Variants in TNNT3 observed in about 807,000 individuals in gnomAD.
The protein encoded by TNNT3 is troponin T3, fast skeletal type.
TNNT3 carries 36 observed loss-of-function variants against 54.2 expected under a neutral mutation model. The ratio of observed to expected loss-of-function variants is 0.66; its 90% CI spans 0.51 to 0.88. The LOEUF (loss-of-function observed/expected upper bound fraction) is 0.88. Among genes scored for constraint, TNNT3 ranks in the 40% least tolerant of loss-of-function variants. The pLI is 0.00. For synonymous variants in TNNT3, 120 were observed against 109.7 expected (o/e 1.09, Z -0.59); for missense variants, 291 against 331.6 (o/e 0.88, Z 0.95).
Position 1,937,021 on chromosome 11 carries a change from C to T in TNNT3, c.722+18C>T, listed in dbSNP as rs1001830487. 5.7e-6 allele frequency: 9 copies of T among 1,584,662 alleles called. No homozygotes were observed. Among genetic ancestry groups the T allele is most frequent in the Non-Finnish European group, 7.7e-6 (9 of 1,167,474 alleles). ...CAGAAGCAGTGAGTAGCCCTGCCGT[C>T]CTCGCTCCGCACTGGGCACAGGGGC... On this transcript the variant is annotated intron_variant, in intron 15 of 15. Coordinates refer to ENST00000278317, the MANE Select transcript of TNNT3 (RefSeq NM_006757.4).
chr11:1,938,221 C>A, intron 15 of TNNT3: 1 of 601,498 alleles, frequency 1.7e-6, no homozygotes, highest in South Asian at 1.9e-5. Context: ...CCCGGGCTCA[C>A]GTGCCAGCCC....
intron 14 of TNNT3, chr11:1,936,295 G>A (rs781472876): frequency 9.9e-6 from 16 of 1,608,256 alleles, no homozygotes; most frequent in South Asian, 2.2e-5. Context: ...CCGTGGGTGT[G>A]CGTTGCACGG....
chr11:1,936,389 C>T (rs1855051343), intron 14 of TNNT3: 3 of 1,003,616 alleles, frequency 3.0e-6, no homozygotes, highest in Non-Finnish European at 4.5e-6. Flanking sequence ...CCTGCCCCCG[C>T]TCTCCCCTCG....
intron 14 of TNNT3, 135 bp from the exon 15 acceptor site, chr11:1,936,828 C>A (rs769359001): frequency 1.2e-6 from 1 of 863,464 alleles, no homozygotes; most frequent in East Asian, 2.6e-5. Context: ...GTAAGGGAGC[C>A]GAGGAGCCCT....
chr11:1,922,708 A>G, intron 1 of TNNT3, 149 bp from the exon 2 acceptor site: 2 of 730,140 alleles, frequency 2.7e-6, no homozygotes, highest in East Asian at 2.7e-5. Flanking sequence ...AAGGAGGTGG[A>G]CTCACCCAAG....
At chr11:1,927,747 C>A (rs1436136240) in intron 6 of TNNT3, 1 of 152,380 alleles carries the variant, frequency 6.6e-6, no homozygotes, top group Admixed American at 6.5e-5. Flanking sequence ...AGCCTCCCAC[C>A]CGACCTCGCC....
intron 6 of TNNT3, among the ~76,000 whole-genome samples, chr11:1,928,304 C>G (rs1372653422): frequency 6.6e-6 from 1 of 152,106 alleles, no homozygotes; most frequent in African/African-American, 2.4e-5. Flanking sequence ...GCCAGGCCAG[C>G]CAGGTCCACC....
At position 1,926,382 on chromosome 11, in the gene TNNT3, G is replaced by A. The variant is rs559529449; in HGVS notation, c.68-313G>A. 6.7e-5 allele frequency: 104 copies of A among 1,553,806 alleles called. 1 individual carries two copies. The South Asian group carries it at 1.1e-3, about 16-fold the overall frequency. The stretch of plus-strand genomic sequence containing the variant: ...CCCACCCTCGGCCTCGAGTGGCGAC[G>A]GGCTTTTCCATTAACCTCGGACGCT... On this transcript the variant is annotated intron_variant, in intron 5 of 15. Transcript: ENST00000278317.
At position 1,934,145 on chromosome 11, in the gene TNNT3, G is replaced by A. The variant is rs189372230; in HGVS notation, c.366+137G>A. 1.4e-4 allele frequency: 167 copies of A among 1,160,090 alleles called. No individual in the cohort carries two copies. The East Asian group carries it at 3.4e-3, about 24-fold the overall frequency. The allele number at this position is 1,160,090 out of a possible 1,614,324, so 71.9% of individuals were successfully genotyped here. On this transcript the variant is annotated intron_variant, in intron 11 of 15. Coordinates refer to ENST00000278317, the MANE Select transcript of TNNT3 (RefSeq NM_006757.4). ...GATCAGAACCACTGGCTAAGGCCCC[G>A]GCGCCCTGCAGAACCCCTTGCCAGA...
intron 4 of TNNT3, among the ~76,000 whole-genome samples, chr11:1,924,223 C>T (rs533925027): frequency 6.6e-6 from 1 of 152,194 alleles, no homozygotes; most frequent in East Asian, 1.9e-4. Flanking sequence ...CATGCCACCC[C>T]CCAACCCTGT....
At chr11:1,937,644 G>T (rs767580642) in intron 15 of TNNT3, among the ~76,000 whole-genome samples, 1 of 152,186 alleles carries the variant, frequency 6.6e-6, no homozygotes, top group Non-Finnish European at 1.5e-5. Context: ...CCCAAGGATC[G>T]CAGTGTTTGG....
In TNNT3 at chr11:1,934,092, C is replaced by T. The variant is rs1287921219; in HGVS notation, c.366+84C>T. ...TGCAGGGGGCTGAGGCCTTCCTTCT[C>T]CCGGGGTTCCCATTGTCATTGGCCA... On this transcript the variant is annotated intron_variant, in intron 11 of 15. Coordinates refer to ENST00000278317, the MANE Select transcript of TNNT3 (RefSeq NM_006757.4). 5 of 1,426,542 alleles carry T rather than the reference C, an allele frequency of 3.5e-6. No individual in the cohort carries two copies. In the African/African-American group the frequency reaches 5.7e-5, roughly 16 times the overall value. 88.4% of individuals were successfully genotyped at this position (1,426,542 alleles called of 1,614,324 possible).
intron 15 of TNNT3, among the ~76,000 whole-genome samples, chr11:1,937,541 G>A (rs568602233): frequency 6.6e-6 from 1 of 152,248 alleles, no homozygotes; most frequent in African/African-American, 2.4e-5. Flanking sequence ...ACAGCTACTC[G>A]ACCACCTGCA....
intron 1 of TNNT3, among the ~76,000 whole-genome samples, chr11:1,920,553 G>A (rs1849875592): frequency 7.5e-6 from 1 of 132,766 alleles, no homozygotes; most frequent in Admixed American, 9.0e-5. Flanking sequence ...TGAAGTCCAC[G>A]GAGGGACATG....
Position 1,933,769 on chromosome 11 carries a change from C to T in TNNT3, c.220C>T (p.Leu74Phe). ...CAAAGACCTAATGGAGCTCCAGGCC[C>T]TCATCGACAGCCACTTTGAAGCCCG... Reference protein sequence around the residue: ...QNKDLMELQALIDSHFEARKK... With the variant: ...QNKDLMELQAFIDSHFEARKK... Residue 74 changes from leucine to phenylalanine, a missense_variant, in exon 10 of 16, where the codon CTC becomes TTC. Physicochemically the swap from Leu to Phe is conservative, Grantham distance 22 (BLOSUM62 0). Coordinates refer to ENST00000278317, the MANE Select transcript of TNNT3 (RefSeq NM_006757.4). 1 of 1,612,948 alleles carries T rather than the reference C, an allele frequency of 6.2e-7. No individual in the cohort carries two copies. Among genetic ancestry groups the T allele is most frequent in the South Asian group, 1.1e-5 (1 of 91,086 alleles).
chr11:1,920,433 T>A (rs1264127530), intron 1 of TNNT3, among the ~76,000 whole-genome samples: 1 of 152,084 alleles, frequency 6.6e-6, no homozygotes, highest in Non-Finnish European at 1.5e-5. Flanking sequence ...CGCGTCCCCC[T>A]GGCTGGAGGC....
intron 1 of TNNT3, chr11:1,921,592 C>T (rs537612245): frequency 9.8e-5 from 15 of 152,330 alleles, no homozygotes; most frequent in African/African-American, 2.4e-4. Flanking sequence ...AAGCTACCCC[C>T]GTTGCCTGGA....
At chr11:1,932,343 T>C in intron 8 of TNNT3, 126 bp from the exon 9 acceptor site, 2 of 877,696 alleles carry the variant, frequency 2.3e-6, no homozygotes, top group Non-Finnish European at 3.9e-6. Flanking sequence ...TAGGCGGGCA[T>C]GCTTGGCTGG....
intron 15 of TNNT3, 148 bp from the exon 16 acceptor site, chr11:1,938,290 T>A (rs1349028412): frequency 2.3e-6 from 2 of 860,398 alleles, no homozygotes; most frequent in East Asian, 5.1e-5. Context: ...CTGCCCGGAC[T>A]GAAGCTGGGT....
Sources: gnomAD v4.1 joint callset for allele counts (sites outside exome capture counted in the v4.1 genomes callset) on GRCh38, gnomAD v4.1.1 for gene constraint, MANE v1.5 for transcripts, NCBI Gene and HGNC (gene_info 2026-07-23, HGNC 2026-07-21) for gene names.